ZFHX3: variants seen among roughly 807,000 people sequenced by gnomAD.
ZFHX3 encodes the protein zinc finger homeobox protein 3.
ZFHX3 carries 42 observed loss-of-function variants against 279.1 expected under a neutral mutation model. That is an observed-to-expected ratio of 0.15 (90% confidence interval 0.12 to 0.19). The LOEUF is 0.19. Ranked by LOEUF, ZFHX3 falls within the 10% of genes least tolerant of loss-of-function variation. The pLI is 1.00. For synonymous variants in ZFHX3, 2,293 were observed against 1,957.8 expected (o/e 1.17, Z -4.52); for missense variants, 4,981 against 4,754.0 (o/e 1.05, Z -1.40).
chr16:73,194,333 G>A (rs1205333402), intron 5 of ZFHX3, among the ~76,000 whole-genome samples: 1 of 152,040 alleles, frequency 6.6e-6, no homozygotes. Context: ...CAGAGTAGCT[G>A]GCACTATAGG....
intron 2 of ZFHX3, among the ~76,000 whole-genome samples, chr16:73,605,623 A>G (rs943074589): frequency 5.3e-5 from 8 of 151,886 alleles, no homozygotes; most frequent in Non-Finnish European, 1.2e-4. Flanking sequence ...ATCTGCTTAC[A>G]AAGTCAATAA....
chr16:73,406,211 C>T (rs769730303), intron 3 of ZFHX3, among the ~76,000 whole-genome samples: 4 of 152,250 alleles, frequency 2.6e-5, no homozygotes, highest in Admixed American at 1.3e-4. Flanking sequence ...GAGCTGTTTC[C>T]TTCTGTGCTG....
At chr16:73,494,563 C>T (rs1339465095) in intron 2 of ZFHX3, among the ~76,000 whole-genome samples, 1 of 151,858 alleles carries the variant, frequency 6.6e-6, no homozygotes, top group Non-Finnish European at 1.5e-5. Flanking sequence ...ACTATGGTGT[C>T]TGTTTGTTTG....
chr16:72,912,588 G>A (rs1298212801), intron 3 of ZFHX3, among the ~76,000 whole-genome samples: 1 of 152,140 alleles, frequency 6.6e-6, no homozygotes, highest in African/African-American at 2.4e-5. Flanking sequence ...CTGTTTACGT[G>A]CACTTAGAGG....
At chr16:73,342,357 T>A (rs1291709944) in intron 3 of ZFHX3, among the ~76,000 whole-genome samples, 1 of 152,180 alleles carries the variant, frequency 6.6e-6, no homozygotes, top group Non-Finnish European at 1.5e-5. Context: ...TCCAACAATA[T>A]AATACATATT....
At chr16:73,355,287 A>G (rs563259314) in intron 3 of ZFHX3, among the ~76,000 whole-genome samples, 10 of 152,176 alleles carry the variant, frequency 6.6e-5, no homozygotes, top group Admixed American at 1.3e-4. Context: ...GCAGATAAAG[A>G]TTTTCCCAGT....
intron 5 of ZFHX3, among the ~76,000 whole-genome samples, chr16:73,200,254 C>A (rs1247554621): frequency 1.3e-5 from 2 of 152,034 alleles, no homozygotes; most frequent in African/African-American, 4.8e-5. Context: ...CCTATCCAGA[C>A]TTCATTATTT....
intron 7 of ZFHX3, among the ~76,000 whole-genome samples, chr16:73,108,693 T>G (rs1160975708): frequency 6.6e-6 from 1 of 152,232 alleles, no homozygotes; most frequent in Admixed American, 6.5e-5. Context: ...GGCACAGTCC[T>G]GAAGTGACTC....
At chr16:73,532,882 C>T (rs1956229603) in intron 2 of ZFHX3, among the ~76,000 whole-genome samples, 1 of 152,190 alleles carries the variant, frequency 6.6e-6, no homozygotes. Context: ...GGGTCTTCCC[C>T]CTTTGCTCAG....
chr16:73,181,567 G>A (rs1284008361), intron 5 of ZFHX3, among the ~76,000 whole-genome samples: 1 of 152,238 alleles, frequency 6.6e-6, no homozygotes, highest in Non-Finnish European at 1.5e-5. Context: ...TTATTCATGA[G>A]TAGTCTCGGG....
At chr16:73,090,390 A>G (rs186233643) in intron 8 of ZFHX3, among the ~76,000 whole-genome samples, 2 of 152,362 alleles carry the variant, frequency 1.3e-5, no homozygotes, top group Admixed American at 1.3e-4. Flanking sequence ...CCCTGTCTCA[A>G]ATTAAGTAAA....
At chr16:73,129,107 C>A (rs927523477) in intron 7 of ZFHX3, among the ~76,000 whole-genome samples, 1 of 152,100 alleles carries the variant, frequency 6.6e-6, no homozygotes, top group African/African-American at 2.4e-5. Flanking sequence ...TGAAGTGGGC[C>A]TGGTGCGGAG....
intron 2 of ZFHX3, among the ~76,000 whole-genome samples, chr16:73,508,819 T>C (rs572240568): frequency 1.1e-3 from 163 of 152,352 alleles, no homozygotes; most frequent in African/African-American, 3.7e-3. Context: ...GTCCTTCTCC[T>C]TCTTTGTCAA....
intron 4 of ZFHX3, among the ~76,000 whole-genome samples, chr16:73,288,091 G>A (rs1329039271): frequency 6.6e-6 from 1 of 151,718 alleles, no homozygotes; most frequent in Admixed American, 6.6e-5. Context: ...TTTGCTCTTA[G>A]CCGTTCCATC....
intron 2 of ZFHX3, among the ~76,000 whole-genome samples, chr16:73,624,628 G>C (rs528703965): frequency 7.3e-6 from 1 of 137,054 alleles, no homozygotes; most frequent in Non-Finnish European, 1.6e-5. Flanking sequence ...AGATAATAAA[G>C]AATCTATCCC....
intron 7 of ZFHX3, among the ~76,000 whole-genome samples, chr16:73,121,996 T>C (rs1464194907): frequency 1.3e-5 from 2 of 152,210 alleles, no homozygotes; most frequent in East Asian, 1.9e-4. Flanking sequence ...AATTATATTC[T>C]CTTCATGAAT....
At chr16:73,708,181 C>T (rs1004995044) in intron 1 of ZFHX3, among the ~76,000 whole-genome samples, 2 of 152,142 alleles carry the variant, frequency 1.3e-5, no homozygotes, top group African/African-American at 2.4e-5. Flanking sequence ...TGGCAAGACA[C>T]AGAAAGTAGA....
chr16:72,793,971 T>C lies in ZFHX3; in HGVS notation c.8711A>G (p.Lys2904Arg), dbSNP rs777143827. The stretch of plus-strand genomic sequence containing the variant: ...CACTGTACCTTCATTGTCATATTCC[T>C]TGCTATAAAAGCTCGGGGCCGGGCT... ...LVSPAPSFYS[K>R]EYDNEGTVDY... Residue 2904 changes from lysine to arginine, a missense_variant, in exon 9 of 10, where the codon AAG becomes AGG. Physicochemically the swap from Lys to Arg is conservative, Grantham distance 26. Coordinates refer to ENST00000268489, the MANE Select transcript of ZFHX3 (RefSeq NM_006885.4). This position sits in a 1 kb window ranked among gnomAD's most constrained non-coding sequence, Gnocchi z 4.3. 6.2e-7 allele frequency: 1 copy of C among 1,614,238 alleles called. No homozygotes were observed. The highest frequency in any genetic ancestry group is 1.1e-5 in the South Asian group (1 of 91,082).
chr16:72,934,244 G>C (rs1168847902), intron 3 of ZFHX3, among the ~76,000 whole-genome samples: 3 of 151,990 alleles, frequency 2.0e-5, no homozygotes, highest in Non-Finnish European at 4.4e-5. Context: ...GGCCAACATG[G>C]TAAAACCCCG....
Sources: gnomAD v4.1 joint callset for allele counts (sites outside exome capture counted in the v4.1 genomes callset) on GRCh38, gnomAD v4.1.1 for gene constraint, Gnocchi (gnomAD v3.1) non-coding constraint, MANE v1.5 for transcripts, NCBI Gene and HGNC (gene_info 2026-07-23, HGNC 2026-07-21) for gene names.